The following IRGM variants were observed in gnomAD, a reference collection of about 807,000 sequenced individuals.
IRGM encodes the protein immunity-related GTPase family M protein.
For missense variants in IRGM, 288 were observed against 219.9 expected (o/e 1.31, Z -1.96); for synonymous variants, 98 against 80.6 (o/e 1.22, Z -1.16).
At chr5:150,865,012 T>A (rs954849552) in intron 1 of IRGM, among the ~76,000 whole-genome samples, 1 of 152,250 alleles carries the variant, frequency 6.6e-6, no homozygotes, top group Non-Finnish European at 1.5e-5. Flanking sequence ...CCCATCTCTC[T>A]GTTTGTCTCT....
chr5:150,896,689 A>T, intron 3 of IRGM: 2 of 1,613,520 alleles, frequency 1.2e-6, no homozygotes, highest in Admixed American at 3.3e-5. Flanking sequence ...TATTTATGGA[A>T]TCTCTGTATT....
In IRGM at chr5:150,896,202, A is replaced by C. The variant is rs141611335; in HGVS notation, c.*141-4387A>C. On this transcript the variant is annotated intron_variant and NMD_transcript_variant, in intron 3 of 3. Transcript: ENST00000520549. ...TTCATAGGGTTTTTCCCCAGTGTGA[A>C]CTCTCTGATGTATAATAAGGGACGA... The C allele has an allele frequency of 8.1e-6, 13 of 1,613,254 alleles. No individual in the cohort carries two copies. The African/African-American group carries it at 1.7e-4, about 22-fold the overall frequency.
chr5:150,860,677 C>T (rs1458594559), intron 1 of IRGM, among the ~76,000 whole-genome samples: 1 of 152,194 alleles, frequency 6.6e-6, no homozygotes, highest in Non-Finnish European at 1.5e-5. Context: ...CTGTGCTGCT[C>T]CCCAGGCTGT....
At chr5:150,866,079 G>T (rs1233679584) in intron 1 of IRGM, among the ~76,000 whole-genome samples, 1 of 152,132 alleles carries the variant, frequency 6.6e-6, no homozygotes. Context: ...TTAACTTCAA[G>T]AAATTACATT....
chr5:150,866,407 C>G (rs893567924), intron 1 of IRGM, among the ~76,000 whole-genome samples: 2 of 152,280 alleles, frequency 1.3e-5, no homozygotes, highest in Middle Eastern at 3.4e-3. Flanking sequence ...ATTAAAACAG[C>G]CTTTGGGACA....
At chr5:150,870,756 T>C (rs1754271352) in intron 1 of IRGM, among the ~76,000 whole-genome samples, 1 of 152,150 alleles carries the variant, frequency 6.6e-6, no homozygotes, top group Admixed American at 6.5e-5. Flanking sequence ...AGCCATCTGG[T>C]CTTAATTTCT....
intron 1 of IRGM, among the ~76,000 whole-genome samples, chr5:150,863,268 T>G (rs2113267360): frequency 6.6e-6 from 1 of 152,324 alleles, no homozygotes; most frequent in African/African-American, 2.4e-5. Flanking sequence ...AAAAAAGTTT[T>G]AGACCACTGT....
chr5:150,897,885 C>A, intron 3 of IRGM: 1 of 663,276 alleles, frequency 1.5e-6, no homozygotes. Context: ...TATATATATA[C>A]ACACAAGAGA....
intron 1 of IRGM, among the ~76,000 whole-genome samples, chr5:150,866,578 A>G (rs1754212174): frequency 6.6e-6 from 1 of 152,234 alleles, no homozygotes. Context: ...ACAAAAATCA[A>G]TAAAAAGGAG....
At chr5:150,895,177 A>C (rs748603243) in intron 3 of IRGM, 3 of 372,616 alleles carry the variant, frequency 8.1e-6, no homozygotes, top group African/African-American at 2.1e-5. Context: ...CTGTATGCTT[A>C]ACTTGCTGTG....
intron 3 of IRGM, among the ~76,000 whole-genome samples, chr5:150,883,229 A>T (rs1266711232): frequency 1.3e-5 from 2 of 152,058 alleles, no homozygotes; most frequent in African/African-American, 4.8e-5. Context: ...CTTTTTCTAA[A>T]TAATACTCTA....
At chr5:150,871,815 C>A (rs1292632999) in intron 1 of IRGM, among the ~76,000 whole-genome samples, 2 of 152,188 alleles carry the variant, frequency 1.3e-5, no homozygotes, top group Non-Finnish European at 2.9e-5. Flanking sequence ...GTAAAAACAT[C>A]ACATTGTCTA....
At chr5:150,889,558 T>C (rs1754576568) in intron 3 of IRGM, among the ~76,000 whole-genome samples, 2 of 152,014 alleles carry the variant, frequency 1.3e-5, no homozygotes. Context: ...GAGTTTTACT[T>C]CTTTTTTTCC....
At chr5:150,892,394 C>CT (rs762931643) in intron 3 of IRGM, among the ~76,000 whole-genome samples, 8 of 151,922 alleles carry the variant, frequency 5.3e-5, no homozygotes, top group Non-Finnish European at 1.0e-4. Flanking sequence ...ATCAGAATAT[C>CT]TGAGTTTTAA....
intron 3 of IRGM, among the ~76,000 whole-genome samples, chr5:150,880,633 G>A (rs191471923): frequency 2.3e-4 from 35 of 152,150 alleles, no homozygotes; most frequent in African/African-American, 7.0e-4. Context: ...ATGGGAACCC[G>A]CTTTTAAGTT....
intron 3 of IRGM, among the ~76,000 whole-genome samples, chr5:150,894,195 C>A (rs1451669172): frequency 6.6e-6 from 1 of 152,022 alleles, no homozygotes; most frequent in African/African-American, 2.4e-5. Flanking sequence ...CAGGTCACTT[C>A]CAGCAAGGGT....
chr5:150,897,051 A>T (rs77756126), intron 3 of IRGM: 51,767 of 1,151,268 alleles, frequency 0.045, 1,559 homozygotes, highest in East Asian at 0.15. Context: ...CAAATGGATG[A>T]TCCAACATAG....
At chr5:150,852,807 G>A (rs1007263625), downstream of IRGM, among the ~76,000 whole-genome samples, 3 of 151,902 alleles carry the variant, frequency 2.0e-5, no homozygotes, top group African/African-American at 4.8e-5. Context: ...TTTCTATTTC[G>A]GGTTAGTTTG....
chr5:150,883,454 A>T (rs1026559123), intron 3 of IRGM, among the ~76,000 whole-genome samples: 1 of 134,268 alleles, frequency 7.4e-6, no homozygotes, highest in Admixed American at 6.9e-5. Flanking sequence ...GAAAGATCAA[A>T]TAAACTACAT....
Sources: allele counts gnomAD v4.1 joint callset (sites outside exome capture counted in the v4.1 genomes callset), GRCh38; gene constraint gnomAD v4.1.1; transcripts MANE v1.5; gene names NCBI Gene and HGNC (gene_info 2026-07-23, HGNC 2026-07-21).